NBAS: variants seen among roughly 807,000 people sequenced by gnomAD.
NBAS encodes NBAS subunit of NRZ tethering complex, also known as NAG/BC035112 fusion.
In NBAS, 219 loss-of-function variants were observed where a neutral mutation model predicts 302.5. That is an observed-to-expected ratio of 0.72 (90% confidence interval 0.65 to 0.81). NBAS has a LOEUF of 0.81. Among genes scored for constraint, NBAS ranks in the 30% least tolerant of loss-of-function variants. NBAS has a pLI of 0.00. For synonymous variants in NBAS, 1,118 were observed against 1,021.6 expected, an observed-to-expected ratio of 1.09 and a Z score of -1.80; for missense variants, 2,932 against 2,841.6, an observed-to-expected ratio of 1.03 and a Z score of -0.72.
chr2:15,107,758 T>TCTCA, the NBAS span, among the ~76,000 whole-genome samples: 3 of 152,156 alleles, frequency 2.0e-5, no homozygotes, highest in African/African-American at 7.2e-5. Context: ...CAACGTGTAT[T>TCTCA]CTCATATAAC....
chr2:14,930,217 A>C, the NBAS span, among the ~76,000 whole-genome samples: 1 of 152,144 alleles, frequency 6.6e-6, no homozygotes, highest in Non-Finnish European at 1.5e-5. Context: ...CCTGTCCTCC[A>C]CTCTAATACT....
intron 21 of NBAS, among the ~76,000 whole-genome samples, chr2:15,434,740 C>A (rs1378069986): frequency 6.6e-6 from 1 of 152,096 alleles, no homozygotes; most frequent in Non-Finnish European, 1.5e-5. Flanking sequence ...TTCGAGGTTG[C>A]CAGTATTCCA....
chr2:15,060,111 C>T, the NBAS span, among the ~76,000 whole-genome samples: 1 of 152,256 alleles, frequency 6.6e-6, no homozygotes, highest in Admixed American at 6.5e-5. Flanking sequence ...CCTAATGTTA[C>T]TAGGCCTCTG....
At chr2:15,449,821 G>C (rs751478161) in intron 21 of NBAS, among the ~76,000 whole-genome samples, 7 of 152,214 alleles carry the variant, frequency 4.6e-5, no homozygotes, top group Non-Finnish European at 8.8e-5. Context: ...TCCTCTCTGC[G>C]GACAGTCACC....
the NBAS span, among the ~76,000 whole-genome samples, chr2:14,863,707 T>G: frequency 6.6e-6 from 1 of 152,236 alleles, no homozygotes; most frequent in African/African-American, 2.4e-5. Flanking sequence ...ATGTAAACAT[T>G]CTTGAAAAGA....
At chr2:15,052,733 G>C in the NBAS span, among the ~76,000 whole-genome samples, 2 of 152,156 alleles carry the variant, frequency 1.3e-5, no homozygotes, top group Non-Finnish European at 2.9e-5. Flanking sequence ...GCTCTGATAA[G>C]TTGCATATTA....
At chr2:14,788,928 C>T in the NBAS span, among the ~76,000 whole-genome samples, 2 of 152,218 alleles carry the variant, frequency 1.3e-5, no homozygotes, top group Non-Finnish European at 2.9e-5. Context: ...GTGCCCTGCC[C>T]CCAGAGGTGG....
At chr2:15,273,273 T>C (rs1429731300) in intron 44 of NBAS, among the ~76,000 whole-genome samples, 2 of 152,238 alleles carry the variant, frequency 1.3e-5, no homozygotes, top group Non-Finnish European at 2.9e-5. Context: ...AACTCCCAAC[T>C]TGGATCAGTT....
chr2:15,287,617 C>A (rs1159581267), intron 41 of NBAS, among the ~76,000 whole-genome samples: 1 of 151,602 alleles, frequency 6.6e-6, no homozygotes, highest in Non-Finnish European at 1.5e-5. Context: ...GTAGGCATCC[C>A]GAGCACCCAT....
intron 11 of NBAS, among the ~76,000 whole-genome samples, chr2:15,496,783 C>A (rs957750224): frequency 6.6e-6 from 1 of 152,110 alleles, no homozygotes; most frequent in Non-Finnish European, 1.5e-5. Context: ...CTAGGTAAAA[C>A]AGATGTGAAT....
chr2:14,810,583 G>C, the NBAS span, among the ~76,000 whole-genome samples: 1 of 152,166 alleles, frequency 6.6e-6, no homozygotes, highest in African/African-American at 2.4e-5. Flanking sequence ...GTCTTTATCA[G>C]CAGCACAAAA....
the NBAS span, among the ~76,000 whole-genome samples, chr2:14,848,555 T>C: frequency 0.12 from 14,754 of 122,318 alleles, 4,665 homozygotes; most frequent in African/African-American, 0.52. Context: ...CCAGGAAGCT[T>C]GAACTGGGTG....
At chr2:14,955,752 C>T in the NBAS span, among the ~76,000 whole-genome samples, 1 of 152,186 alleles carries the variant, frequency 6.6e-6, no homozygotes, top group African/African-American at 2.4e-5. Flanking sequence ...GTAGCTGGGA[C>T]ACAGGGAACA....
the NBAS span, among the ~76,000 whole-genome samples, chr2:14,915,982 A>G: frequency 1.3e-5 from 2 of 152,168 alleles, no homozygotes; most frequent in Non-Finnish European, 1.5e-5. Context: ...CCCCAGCCAC[A>G]TGGAACTGCA....
chr2:14,983,184 C>T, the NBAS span, among the ~76,000 whole-genome samples: 5 of 152,206 alleles, frequency 3.3e-5, no homozygotes, highest in Non-Finnish European at 5.9e-5. Flanking sequence ...TAAATGAGTT[C>T]GGATGTATAA....
the NBAS span, among the ~76,000 whole-genome samples, chr2:15,053,869 T>G: frequency 6.6e-6 from 1 of 150,790 alleles, no homozygotes; most frequent in South Asian, 2.1e-4. Context: ...GCAGAAAGAG[T>G]AGGCACCTCT....
At chr2:15,322,213 GA>G (rs1671841599) in intron 38 of NBAS, among the ~76,000 whole-genome samples, 1 of 109,820 alleles carries the variant, frequency 9.1e-6, no homozygotes, top group South Asian at 3.3e-4. Context: ...ACAGGGCGGG[GA>G]ACATCACACA....
the NBAS span, among the ~76,000 whole-genome samples, chr2:14,852,615 T>G: frequency 1.5e-5 from 2 of 133,630 alleles, no homozygotes; most frequent in East Asian, 2.1e-4. Context: ...CACCGCCAAG[T>G]CAATCCTAAG....
chr2:15,462,429 G>A (rs896662746), intron 19 of NBAS, among the ~76,000 whole-genome samples: 2 of 152,158 alleles, frequency 1.3e-5, no homozygotes. Context: ...CCATGGAATC[G>A]CAAGTGTAGG....
Sources: allele counts gnomAD v4.1 joint callset (sites outside exome capture counted in the v4.1 genomes callset), GRCh38; gene constraint gnomAD v4.1.1; transcripts MANE v1.5; gene names NCBI Gene and HGNC (gene_info 2026-07-23, HGNC 2026-07-21).